The following CNTN6 variants were observed in gnomAD, a reference collection of about 807,000 sequenced individuals.
CNTN6 encodes the protein contactin 6.
A neutral mutation model predicts 122.8 loss-of-function variants in CNTN6; 137 were observed. The observed-to-expected ratio is 1.12, with a 90% CI of 0.97 to 1.29. The LOEUF is 1.29. Ranked by LOEUF, CNTN6 falls within the 50% of genes most tolerant of loss-of-function variation. The probability of loss-of-function intolerance (pLI) is 0.00; values close to 1 mark genes in which losing one functional copy is unlikely to be tolerated. For missense variants in CNTN6, 1,634 were observed against 1,223.4 expected, an observed-to-expected ratio of 1.34 and a Z score of -5.01; for synonymous variants, 570 against 426.0, an observed-to-expected ratio of 1.34 and a Z score of -4.16.
intron 2 of CNTN6, among the ~76,000 whole-genome samples, chr3:1,219,028 G>T (rs1039567860): frequency 6.6e-6 from 1 of 152,148 alleles, no homozygotes; most frequent in African/African-American, 2.4e-5. Context: ...CGAATAAATA[G>T]CAAATGTATT....
In CNTN6 at chr3:1,363,033, C is replaced by G. The variant is rs978906460; in HGVS notation, c.1493-9266C>G. Among the ~76,000 whole-genome samples, 7 of 151,726 alleles carry G rather than the reference C, an allele frequency of 4.6e-5. No homozygotes were observed. The East Asian group carries it at 9.7e-4, about 21-fold the overall frequency. On this transcript the variant is annotated intron_variant, in intron 12 of 22. Coordinates refer to ENST00000446702, the MANE Select transcript of CNTN6 (RefSeq NM_001289080.2). ...ATTCTATCCCTATTTAAAAATCCCC[C>G]CAAATAAAGACAAAATAAAGATGCT...
intron 2 of CNTN6, among the ~76,000 whole-genome samples, chr3:1,163,959 C>T (rs1441010827): frequency 6.6e-6 from 1 of 152,172 alleles, no homozygotes; most frequent in Non-Finnish European, 1.5e-5. Flanking sequence ...CAGGAAACAA[C>T]AAGTTTCACT....
intron 20 of CNTN6, among the ~76,000 whole-genome samples, chr3:1,399,773 G>A (rs1334353311): frequency 6.6e-6 from 1 of 152,076 alleles, no homozygotes; most frequent in Non-Finnish European, 1.5e-5. Context: ...TATGTGCCAG[G>A]CACTGTGCTA....
At chr3:1,326,017 C>A (rs892431283) in intron 9 of CNTN6, 66 bp downstream of exon 9, 3 of 1,377,404 alleles carry the variant, frequency 2.2e-6, no homozygotes, top group East Asian at 4.7e-5. Flanking sequence ...ACTAACAGTA[C>A]TAGTAACTAA....
At chr3:1,103,256 A>C (rs1006477785) in intron 1 of CNTN6, among the ~76,000 whole-genome samples, 4 of 152,260 alleles carry the variant, frequency 2.6e-5, no homozygotes, top group African/African-American at 9.6e-5. Context: ...ATTCCTAAAC[A>C]TGCTCAGTTG....
intron 4 of CNTN6, among the ~76,000 whole-genome samples, chr3:1,235,126 A>T (rs1350314986): frequency 6.6e-6 from 1 of 152,168 alleles, no homozygotes; most frequent in Non-Finnish European, 1.5e-5. Context: ...CCCACTGCCT[A>T]CTTCTACTTA....
chr3:1,386,807 T>TACATGCCGTAGTCTA (rs1301463191), intron 20 of CNTN6, among the ~76,000 whole-genome samples: 1 of 146,764 alleles, frequency 6.8e-6, no homozygotes, highest in Admixed American at 6.8e-5. Flanking sequence ...AGTTTACCTA[T>TACATGCCGTAGTCTA]ACATGCCGTA....
chr3:1,196,291 CT>C (rs1162020737), intron 2 of CNTN6, among the ~76,000 whole-genome samples: 2 of 150,682 alleles, frequency 1.3e-5, no homozygotes. Flanking sequence ...AGCATAGTGG[CT>C]GGGATAGAGG....
intron 2 of CNTN6, among the ~76,000 whole-genome samples, chr3:1,219,449 C>A (rs986937699): frequency 1.3e-5 from 2 of 152,022 alleles, no homozygotes; most frequent in African/African-American, 2.4e-5. Context: ...CTGGGAGAAG[C>A]CTTTTTTATA....
intron 2 of CNTN6, among the ~76,000 whole-genome samples, chr3:1,176,273 T>C (rs2093446371): frequency 6.6e-6 from 1 of 152,056 alleles, no homozygotes; most frequent in South Asian, 2.1e-4. Context: ...CAAAATTAGC[T>C]GGATATGGTG....
chr3:1,318,737 C>G (rs980945788), intron 7 of CNTN6, among the ~76,000 whole-genome samples: 1 of 151,776 alleles, frequency 6.6e-6, no homozygotes, highest in Admixed American at 6.6e-5. Flanking sequence ...AAGTTATACC[C>G]TAGAAGCCAG....
At chr3:1,163,243 T>A (rs906487072) in intron 2 of CNTN6, among the ~76,000 whole-genome samples, 10 of 152,210 alleles carry the variant, frequency 6.6e-5, no homozygotes, top group African/African-American at 1.7e-4. Flanking sequence ...TAATTATGAG[T>A]GAATTGCTCT....
chr3:1,322,275 A>C (rs1449790482), intron 8 of CNTN6, among the ~76,000 whole-genome samples: 1 of 151,638 alleles, frequency 6.6e-6, no homozygotes, highest in East Asian at 1.9e-4. Context: ...TATTTTGTCT[A>C]CTCATAAGTA....
At chr3:1,299,963 C>G (rs1451467194) in intron 7 of CNTN6, among the ~76,000 whole-genome samples, 1 of 151,864 alleles carries the variant, frequency 6.6e-6, no homozygotes, top group Non-Finnish European at 1.5e-5. Context: ...ATTCTAAAAC[C>G]AAAATCCAAA....
intron 1 of CNTN6, among the ~76,000 whole-genome samples, chr3:1,142,017 C>G (rs2092619533): frequency 6.6e-6 from 1 of 152,184 alleles, no homozygotes; most frequent in Middle Eastern, 3.4e-3. Flanking sequence ...TAGGATAACT[C>G]TCATTGTCTC....
intron 1 of CNTN6, among the ~76,000 whole-genome samples, chr3:1,127,861 T>A (rs2092218479): frequency 6.6e-6 from 1 of 151,864 alleles, no homozygotes; most frequent in Non-Finnish European, 1.5e-5. Context: ...TTCAATTTTG[T>A]GTGTGTGTAT....
At position 1,116,384 on chromosome 3, in the gene CNTN6, AAAAC is replaced by A. The variant is rs770834564; in HGVS notation, c.-83+23280_-83+23283del. ...GATTTTATAGAGTACTTGAATAGCA[AAAAC>A]AAACAAACAAACAAAACCTCTTCTG... On this transcript the variant is annotated intron_variant, in intron 1 of 22. Coordinates refer to ENST00000446702, the MANE Select transcript of CNTN6 (RefSeq NM_001289080.2). Among the ~76,000 whole-genome samples the A allele has an allele frequency of 1.1e-3, 167 of 152,324 alleles. 1 individual carries two copies. Among genetic ancestry groups the A allele is most frequent in the Middle Eastern group, 6.8e-3 (2 of 294 alleles).
At chr3:1,119,578 A>G (rs2091873996) in intron 1 of CNTN6, among the ~76,000 whole-genome samples, 1 of 151,916 alleles carries the variant, frequency 6.6e-6, no homozygotes, top group Admixed American at 6.6e-5. Context: ...TGAGAGCCAC[A>G]AGACTAAAAG....
chr3:1,271,682 C>T (rs2095029880), intron 4 of CNTN6, among the ~76,000 whole-genome samples: 1 of 152,154 alleles, frequency 6.6e-6, no homozygotes, highest in Admixed American at 6.5e-5. Context: ...ACATCAGAAA[C>T]AGAGCCACTT....
Sources: gnomAD v4.1 joint callset for allele counts (sites outside exome capture counted in the v4.1 genomes callset) on GRCh38, gnomAD v4.1.1 for gene constraint, MANE v1.5 for transcripts, NCBI Gene and HGNC (gene_info 2026-07-23, HGNC 2026-07-21) for gene names.